The following DIS3 variants were observed in gnomAD, a reference collection of about 807,000 sequenced individuals.
The protein encoded by DIS3 is exosome complex exonuclease RRP44.
In DIS3, 103 loss-of-function variants were observed where a neutral mutation model predicts 113.0. That is an observed-to-expected ratio of 0.91 (90% CI 0.78 to 1.07). DIS3 has a LOEUF of 1.07. DIS3 is among the 50% of genes least tolerant of loss of function. The pLI, the probability that DIS3 is intolerant of heterozygous loss-of-function variation, is 0.00. For synonymous variants in DIS3, 402 were observed against 394.3 expected (o/e 1.02, Z -0.23); for missense variants, 1,121 against 1,167.1 (o/e 0.96, Z 0.58).
chr13:72,775,361 T>G lies in DIS3; in HGVS notation c.837A>C (p.Gly279=). 2 of 1,607,020 alleles carry G rather than the reference T, an allele frequency of 1.2e-6. No individual in the cohort carries two copies. Among genetic ancestry groups the G allele is most frequent in the Non-Finnish European group, 1.7e-6 (2 of 1,177,392 alleles). ...NEENKEIILQ[G]LKHLNRAVHE... The stretch of plus-strand genomic sequence containing the variant: ...GAACAGCTCTGTTTAAATGTTTAAG[T>G]CCCTGTAAGATTATCTGTTTAAAAC... The change falls in exon 6 of 21, where the codon GGA becomes GGC. Residue 279 remains glycine, a synonymous_variant. Transcript: ENST00000377767.
intron 15 of DIS3, among the ~76,000 whole-genome samples, chr13:72,763,982 T>C (rs1458104540): frequency 6.6e-6 from 1 of 152,004 alleles, no homozygotes; most frequent in Non-Finnish European, 1.5e-5. Context: ...AAACCCTGAC[T>C]CTACTAAAAA....
At chr13:72,779,611 A>C (rs905644023) in intron 2 of DIS3, among the ~76,000 whole-genome samples, 2 of 152,186 alleles carry the variant, frequency 1.3e-5, no homozygotes, top group African/African-American at 4.8e-5. Flanking sequence ...TATAAGAATC[A>C]AGAAAGTTGA....
Position 72,766,024 on chromosome 13 carries a change from G to A in DIS3, c.1918C>T (p.His640Tyr). 1.2e-6 allele frequency: 2 copies of A among 1,611,510 alleles called. No individual in the cohort carries two copies. The highest frequency in any genetic ancestry group is 8.5e-7 in the Non-Finnish European group (1 of 1,178,688). ...LTLSSPEVRFHMDSETHDPID... is the reference protein window; with the variant it reads ...LTLSSPEVRFYMDSETHDPID... ...GGATCGTGAGTTTCACTGTCCATGT[G>A]GAATCGAACTTCAGGAGAGGATAGA... The change falls in exon 15 of 21, where the codon CAC (histidine) becomes TAC (tyrosine). Residue 640 changes from histidine (H) to tyrosine (Y), a missense_variant. Around this residue, in one of 3 missense-constraint regions of DIS3, gnomAD observed 861 missense variants for 915.5 expected, o/e 0.94. Transcript: ENST00000377767.
In DIS3 at chr13:72,778,199, G is replaced by T; in HGVS notation, c.568C>A (p.Pro190Thr). 2 of 1,586,128 alleles carry T rather than the reference G, an allele frequency of 1.3e-6. No homozygotes were observed. The highest frequency in any genetic ancestry group is 1.1e-5 in the South Asian group (1 of 89,130). Residue 190 changes from proline (P) to threonine (T), a missense_variant, in exon 3 of 21, where the codon CCA (proline) becomes ACA (threonine). Pro to Thr is a conservative substitution (Grantham distance 38). Around this residue, in one of 3 missense-constraint regions of DIS3, gnomAD observed 6 missense variants for 19.4 expected, o/e 0.31. Coordinates refer to ENST00000377767, the MANE Select transcript of DIS3 (RefSeq NM_014953.5). ...CATTTAGACTTACAAGTGAAAGCTG[G>T]TATTCCTTCTTCTATGGCTTTCTCT... ...NKEKAIEEGI[P>T]AFTCEEYVKS...
At chr13:72,767,646 T>A (rs1320755044) in intron 14 of DIS3, among the ~76,000 whole-genome samples, 1 of 152,234 alleles carries the variant, frequency 6.6e-6, no homozygotes, top group East Asian at 1.9e-4. Flanking sequence ...GTTCTATGTG[T>A]GCCCTGTCCA....
intron 5 of DIS3, among the ~76,000 whole-genome samples, chr13:72,775,627 G>C (rs1224859705): frequency 6.6e-6 from 1 of 152,170 alleles, no homozygotes; most frequent in African/African-American, 2.4e-5. Flanking sequence ...CTGGTAACAA[G>C]AGACTTTGGA....
At position 72,777,441 on chromosome 13, in the gene DIS3, A is replaced by T. The variant is rs138338901; in HGVS notation, c.633T>A (p.Leu211=). The change falls in exon 4 of 21, where the codon CTT becomes CTA. Residue 211 remains leucine, a synonymous_variant. Coordinates refer to ENST00000377767, the MANE Select transcript of DIS3 (RefSeq NM_014953.5). ...LTANPELIDR[L]ACLSEEGNEI... Reference sequence around the variant, plus strand: ...ATACCCCTTCTTCAGACAAACAAGCAAGACGATCTATGAGTTCGGGGTTAG... The same window carrying T: ...ATACCCCTTCTTCAGACAAACAAGCTAGACGATCTATGAGTTCGGGGTTAG... The T allele has an allele frequency of 2.5e-5, 41 of 1,614,036 alleles. No individual in the cohort carries two copies. The highest frequency in any genetic ancestry group is 3.5e-5 in the Non-Finnish European group (41 of 1,179,996).
chr13:72,781,791 G>A lies in DIS3; in HGVS notation c.42C>T (p.Gly14=). The A allele has an allele frequency of 6.2e-7, 1 of 1,604,062 alleles. No individual in the cohort carries two copies. Among genetic ancestry groups the A allele is most frequent in the Non-Finnish European group, 8.5e-7 (1 of 1,175,190 alleles). ...SKTFLKKTRA[G]GVMKIVREHY... Reference sequence around the variant, plus strand: ...GCTCGCGCACGATCTTCATCACGCCGCCCGCCCGGGTCTTTTTTAAGAACG... The same window carrying A: ...GCTCGCGCACGATCTTCATCACGCCACCCGCCCGGGTCTTTTTTAAGAACG... The change falls in exon 1 of 21, where the codon GGC becomes GGT. Residue 14 remains glycine (G), a synonymous_variant. Transcript: ENST00000377767.
At position 72,756,944 on chromosome 13, in the gene DIS3, T is replaced by C. The variant is rs193101687; in HGVS notation, c.*2851A>G. 4.6e-5 allele frequency: 7 copies of C among 152,314 alleles called. No individual in the cohort carries two copies. In the East Asian group the frequency reaches 1.4e-3, roughly 29 times the overall value. The allele number at this position is 152,314 out of a possible 1,614,324, so 9.4% of individuals were successfully genotyped here. A position where few individuals can be genotyped will look rare whatever the true frequency, so the allele number is the denominator to read the frequency against. ...AACCTCCATTTTCTCATCTGTTAAA[T>C]GGAGATAACAGTCCTGGCTTAACAG... On this transcript the variant is annotated 3_prime_UTR_variant, in exon 21 of 21. Coordinates refer to ENST00000377767, the MANE Select transcript of DIS3 (RefSeq NM_014953.5).
intron 2 of DIS3, among the ~76,000 whole-genome samples, chr13:72,779,399 T>G (rs1435001559): frequency 3.9e-5 from 6 of 152,156 alleles, no homozygotes; most frequent in African/African-American, 1.4e-4. Flanking sequence ...ATTACAGACA[T>G]AAGCCACCAC....
chr13:72,758,218 G>A lies in DIS3; in HGVS notation c.*1577C>T, dbSNP rs528165362. The A allele has an allele frequency of 2.2e-5, 4 of 181,404 alleles. No homozygotes were observed. In the East Asian group the frequency reaches 2.7e-4, roughly 12 times the overall value. 11.2% of individuals were successfully genotyped at this position (181,404 alleles called of 1,614,324 possible). A position where few individuals can be genotyped will look rare whatever the true frequency, so the allele number is the denominator to read the frequency against. On this transcript the variant is annotated 3_prime_UTR_variant, in exon 21 of 21. Transcript: ENST00000377767. ...ATCAGTACAGTAATATGCCATACAG[G>A]TTTGTAGGTTAGGAGCAATAGGCTA...
In DIS3 at chr13:72,758,677, GA is replaced by G; in HGVS notation, c.*1117del. ...GGTTTTCCTCAGTAATAGGAAACTG[GA>G]AAAATTAGTCAACATTTATTGAGTG... On this transcript the variant is annotated 3_prime_UTR_variant, in exon 21 of 21. Transcript: ENST00000377767. The G allele has an allele frequency of 4.6e-6, 1 of 216,420 alleles. No homozygotes were observed. 13.4% of individuals were successfully genotyped at this position (216,420 alleles called of 1,614,324 possible).
intron 16 of DIS3, among the ~76,000 whole-genome samples, chr13:72,762,502 G>A (rs1284496697): frequency 2.0e-5 from 3 of 152,194 alleles, no homozygotes; most frequent in South Asian, 4.1e-4. Flanking sequence ...GGAGAAGCTG[G>A]GCATGCATGC....
intron 8 of DIS3, among the ~76,000 whole-genome samples, 173 bp from the exon 9 acceptor site, chr13:72,773,012 G>GGAAA (rs2033923559): frequency 6.6e-6 from 1 of 152,106 alleles, no homozygotes; most frequent in South Asian, 2.1e-4. Flanking sequence ...GATTTATGAT[G>GGAAA]GAAACTTTGT....
intron 11 of DIS3, among the ~76,000 whole-genome samples, chr13:72,771,353 A>C (rs1190465331): frequency 3.3e-5 from 5 of 152,192 alleles, no homozygotes; most frequent in Admixed American, 3.3e-4. Context: ...GCTATGAAGG[A>C]AAACTGGACT....
In DIS3 at chr13:72,761,852, T is replaced by C. The variant is rs776977707; in HGVS notation, c.2343-38A>G. ...AAAAATAAGAACCATGGTATGTCAG[T>C]ACTAATATGTGCTTTTAAAATTCAA... On this transcript the variant is annotated intron_variant, in intron 17 of 20. Coordinates refer to ENST00000377767, the MANE Select transcript of DIS3 (RefSeq NM_014953.5). 13 of 1,611,764 alleles carry C rather than the reference T, an allele frequency of 8.1e-6. No individual in the cohort carries two copies. In the African/African-American group the frequency reaches 1.2e-4, roughly 15 times the overall value.
At position 72,775,910 on chromosome 13, in the gene DIS3, T is replaced by C; in HGVS notation, c.822+15A>G. 1 of 1,583,166 alleles carries C rather than the reference T, an allele frequency of 6.3e-7. No individual in the cohort carries two copies. The highest frequency in any genetic ancestry group is 8.6e-7 in the Non-Finnish European group (1 of 1,167,076). ...TCTTTATTTTAGTGTATAAGGAATT[T>C]ATTTATATACTTGCCTCTTTATTTT... On this transcript the variant is annotated intron_variant, in intron 5 of 20. Coordinates refer to ENST00000377767, the MANE Select transcript of DIS3 (RefSeq NM_014953.5).
rs764690887 is a variant in DIS3 at position 72,761,631 on chromosome 13, A to T, written c.2511+15T>A. ...AACTTCATTTTTTCTAGCAGTATCGACAAAAGGCAAATACCTGGGTATGAA... is the reference window on the plus strand; with the variant it reads ...AACTTCATTTTTTCTAGCAGTATCGTCAAAAGGCAAATACCTGGGTATGAA... On this transcript the variant is annotated intron_variant, in intron 18 of 20. Transcript: ENST00000377767. 5 of 1,570,826 alleles carry T rather than the reference A, an allele frequency of 3.2e-6. No homozygotes were observed. Among genetic ancestry groups the T allele is most frequent in the Non-Finnish European group, 4.3e-6 (5 of 1,165,168 alleles).
intron 4 of DIS3, among the ~76,000 whole-genome samples, chr13:72,776,857 G>C (rs541800837): frequency 6.6e-6 from 1 of 152,242 alleles, no homozygotes; most frequent in South Asian, 2.1e-4. Flanking sequence ...ACTGACATGA[G>C]AGTGGTCTTA....
Sources: gnomAD v4.1 joint callset for allele counts (sites outside exome capture counted in the v4.1 genomes callset) on GRCh38, gnomAD v4.1.1 for gene constraint, gnomAD v4.1.1 regional missense constraint, MANE v1.5 for transcripts, NCBI Gene and HGNC (gene_info 2026-07-23, HGNC 2026-07-21) for gene names.